AGBL1: variants seen among roughly 807,000 people sequenced by gnomAD.
AGBL1 encodes the protein cytosolic carboxypeptidase 4.
In AGBL1, 130 loss-of-function variants were observed where a neutral mutation model predicts 118.9. The observed-to-expected ratio is 1.09, with a 90% CI of 0.95 to 1.26. The LOEUF (loss-of-function observed/expected upper bound fraction) is 1.26. AGBL1 is among the 50% of genes most tolerant of loss of function. The pLI is 0.00. For missense variants in AGBL1, 1,584 were observed against 1,298.1 expected, an observed-to-expected ratio of 1.22 and a Z score of -3.38; for synonymous variants, 555 against 478.9, an observed-to-expected ratio of 1.16 and a Z score of -2.08.
intron 5 of AGBL1, among the ~76,000 whole-genome samples, chr15:86,169,104 C>T (rs570474005): frequency 2.0e-5 from 3 of 152,172 alleles, no homozygotes; most frequent in Non-Finnish European, 4.4e-5. Context: ...AGTGCAGGGA[C>T]AATGAACTGA....
At chr15:86,367,673 C>T (rs115989151) in intron 17 of AGBL1, among the ~76,000 whole-genome samples, 4,141 of 152,120 alleles carry the variant, frequency 0.027, 201 homozygotes, top group African/African-American at 0.094. Context: ...ATATGTAATC[C>T]GTAGTATGTG....
chr15:86,628,352 C>CT (rs1235807849), intron 21 of AGBL1, among the ~76,000 whole-genome samples: 1 of 152,146 alleles, frequency 6.6e-6, no homozygotes, highest in African/African-American at 2.4e-5. Context: ...GTCCCAACTC[C>CT]TTATTGGCTC....
At chr15:86,994,245 C>T (rs1398961308) in intron 24 of AGBL1, among the ~76,000 whole-genome samples, 2 of 152,078 alleles carry the variant, frequency 1.3e-5, no homozygotes, top group Middle Eastern at 3.2e-3. Context: ...CCTCAGAAAT[C>T]AGAGCACTGA....
chr15:86,081,764 T>G (rs1458826109), intron 1 of AGBL1, among the ~76,000 whole-genome samples: 2 of 152,212 alleles, frequency 1.3e-5, no homozygotes, highest in South Asian at 4.1e-4. Context: ...TGGACAGAAT[T>G]TTCCTTGCAC....
chr15:86,089,340 A>G (rs959292080), intron 1 of AGBL1, among the ~76,000 whole-genome samples: 5 of 152,190 alleles, frequency 3.3e-5, no homozygotes, highest in Non-Finnish European at 7.3e-5. Context: ...ATGACCCTAC[A>G]ACCAGTCTGC....
At chr15:86,718,144 A>G (rs1281852160) in intron 22 of AGBL1, among the ~76,000 whole-genome samples, 2 of 152,216 alleles carry the variant, frequency 1.3e-5, no homozygotes, top group African/African-American at 2.4e-5. Context: ...CTGTGTATGA[A>G]CAAAACAGCC....
chr15:86,824,200 A>AC (rs987027200), intron 22 of AGBL1, among the ~76,000 whole-genome samples: 7 of 151,948 alleles, frequency 4.6e-5, no homozygotes, highest in Non-Finnish European at 8.8e-5. Flanking sequence ...CCTACCCAAT[A>AC]CCCCCCAAAA....
chr15:86,752,263 A>G (rs530556875), intron 22 of AGBL1, among the ~76,000 whole-genome samples: 94 of 152,210 alleles, frequency 6.2e-4, no homozygotes, highest in Admixed American at 3.3e-4. Context: ...CAACTGATAT[A>G]TTCCAATCTT....
At chr15:86,828,956 T>A (rs1027481475) in intron 22 of AGBL1, among the ~76,000 whole-genome samples, 4 of 147,586 alleles carry the variant, frequency 2.7e-5, no homozygotes, top group Non-Finnish European at 5.9e-5. Flanking sequence ...TGTATTTATA[T>A]GGTATAATAA....
intron 14 of AGBL1, among the ~76,000 whole-genome samples, chr15:86,270,291 T>C (rs2079138497): frequency 6.6e-6 from 1 of 152,146 alleles, no homozygotes; most frequent in South Asian, 2.1e-4. Context: ...ATCCACTGCT[T>C]CTGGATTCCC....
At chr15:86,113,257 C>CTTTTCTTTTCTTTTCTTTTCTTTTT (rs150495748) in intron 1 of AGBL1, among the ~76,000 whole-genome samples, 2 of 39,780 alleles carry the variant, frequency 5.0e-5, no homozygotes, top group Non-Finnish European at 1.0e-4. Context: ...CTTTTCTTTT[C>CTTTTCTTTTCTTTTCTTTTCTTTTT]TTTCTTTCTT....
rs2083830334 is a variant in AGBL1 at position 86,562,026 on chromosome 15, G to A, written c.2994+7489G>A. 2.0e-5 allele frequency among the ~76,000 whole-genome samples: 3 copies of A among 152,314 alleles called. No individual in the cohort carries two copies. The East Asian group carries it at 5.8e-4, about 29-fold the overall frequency. On this transcript the variant is annotated intron_variant, in intron 21 of 22. Coordinates refer to ENST00000614907, the MANE Select transcript of AGBL1 (RefSeq NM_001386094.1). ...TTTTGTATCCTGAGACTTTGCTGAAGTTGCTTATCAGGTTAAGGAGATTTT... is the reference window on the plus strand; with the variant it reads ...TTTTGTATCCTGAGACTTTGCTGAAATTGCTTATCAGGTTAAGGAGATTTT...
At chr15:86,201,381 T>A (rs2077904662) in intron 5 of AGBL1, among the ~76,000 whole-genome samples, 1 of 152,252 alleles carries the variant, frequency 6.6e-6, no homozygotes, top group Non-Finnish European at 1.5e-5. Flanking sequence ...CAGATATCAT[T>A]TGACTATCAT....
intron 17 of AGBL1, among the ~76,000 whole-genome samples, chr15:86,302,970 G>A (rs1375154237): frequency 1.3e-5 from 2 of 152,070 alleles, no homozygotes; most frequent in Non-Finnish European, 2.9e-5. Context: ...TAAAAGCAGA[G>A]AAATGACAAG....
intron 22 of AGBL1, among the ~76,000 whole-genome samples, chr15:86,881,784 T>C (rs1044695588): frequency 3.3e-5 from 5 of 152,120 alleles, no homozygotes; most frequent in Admixed American, 6.5e-5. Flanking sequence ...TACAGCTGTG[T>C]GCCACCACGC....
At chr15:86,929,994 G>T (rs552607293) in intron 23 of AGBL1, among the ~76,000 whole-genome samples, 7 of 152,124 alleles carry the variant, frequency 4.6e-5, no homozygotes, top group Admixed American at 4.6e-4. Flanking sequence ...ACATAGGTAG[G>T]TGTGTGTAAA....
intron 17 of AGBL1, chr15:86,317,198 A>G (rs557309060): frequency 6.6e-6 from 1 of 152,190 alleles, no homozygotes; most frequent in African/African-American, 2.4e-5. Flanking sequence ...TGTCCACAAA[A>G]CACTTTGAAT....
At chr15:86,398,530 A>G (rs760537608) in intron 18 of AGBL1, among the ~76,000 whole-genome samples, 28 of 152,288 alleles carry the variant, frequency 1.8e-4, no homozygotes, top group Admixed American at 4.6e-4. Context: ...AGCAAAAAAG[A>G]AGTTTAGAAA....
intron 22 of AGBL1, among the ~76,000 whole-genome samples, chr15:86,848,357 T>C (rs2079348824): frequency 6.6e-6 from 1 of 152,234 alleles, no homozygotes; most frequent in African/African-American, 2.4e-5. Flanking sequence ...AACTGTGCCA[T>C]ATTAGAATCC....
Sources: gnomAD v4.1 joint callset for allele counts (sites outside exome capture counted in the v4.1 genomes callset) on GRCh38, gnomAD v4.1.1 for gene constraint, MANE v1.5 for transcripts, NCBI Gene and HGNC (gene_info 2026-07-23, HGNC 2026-07-21) for gene names.